NRXN1: variants seen among roughly 807,000 people sequenced by gnomAD.
NRXN1 encodes neurexin 1.
NRXN1 carries 39 observed loss-of-function variants against 150.9 expected under a neutral mutation model. That is an observed-to-expected ratio of 0.26 (90% CI 0.20 to 0.34). NRXN1 has a LOEUF of 0.34. NRXN1 is among the 10% of genes least tolerant of loss of function. The probability of loss-of-function intolerance (pLI) is 1.00; values close to 1 mark genes in which losing one functional copy is unlikely to be tolerated. For missense variants in NRXN1, 1,815 were observed against 1,949.9 expected, an observed-to-expected ratio of 0.93 and a Z score of 1.30; for synonymous variants, 924 against 757.0, an observed-to-expected ratio of 1.22 and a Z score of -3.62.
intron 21 of NRXN1, among the ~76,000 whole-genome samples, chr2:50,032,949 C>A (rs372149052): frequency 7.9e-6 from 1 of 126,554 alleles, no homozygotes; most frequent in Non-Finnish European, 1.7e-5. Context: ...TACACACATA[C>A]ACACACACAC....
chr2:50,475,027 G>A (rs1238987137), intron 15 of NRXN1, among the ~76,000 whole-genome samples: 2 of 152,010 alleles, frequency 1.3e-5, no homozygotes, highest in African/African-American at 4.8e-5. Flanking sequence ...ATCAGAGATT[G>A]TGGGCTGAGA....
intron 18 of NRXN1, among the ~76,000 whole-genome samples, chr2:50,132,086 T>C (rs1036979313): frequency 2.0e-5 from 3 of 152,154 alleles, no homozygotes; most frequent in Non-Finnish European, 2.9e-5. Context: ...TACAAAGGAA[T>C]TGAAATACAT....
intron 2 of NRXN1, chr2:51,009,253 G>C (rs1667484743): frequency 6.6e-6 from 1 of 151,878 alleles, no homozygotes; most frequent in African/African-American, 2.4e-5. Flanking sequence ...AACACCTGGA[G>C]TTTATGTGTA....
intron 17 of NRXN1, among the ~76,000 whole-genome samples, chr2:50,358,743 C>T (rs1437550212): frequency 1.3e-5 from 2 of 152,348 alleles, no homozygotes; most frequent in Non-Finnish European, 2.9e-5. Flanking sequence ...AAGGGACAGA[C>T]TGCCTTCTCA....
At chr2:50,312,296 G>A (rs771316868) in intron 17 of NRXN1, among the ~76,000 whole-genome samples, 1 of 152,100 alleles carries the variant, frequency 6.6e-6, no homozygotes, top group Non-Finnish European at 1.5e-5. Flanking sequence ...GCTATTGGAA[G>A]TTGAACAAAG....
chr2:49,979,085 T>A (rs1679523708), intron 21 of NRXN1, among the ~76,000 whole-genome samples: 1 of 152,056 alleles, frequency 6.6e-6, no homozygotes, highest in Admixed American at 6.6e-5. Context: ...GATCACAAGA[T>A]CAGGAGTTCG....
At chr2:49,969,357 A>G (rs993395648) in intron 21 of NRXN1, among the ~76,000 whole-genome samples, 1 of 152,086 alleles carries the variant, frequency 6.6e-6, no homozygotes, top group Non-Finnish European at 1.5e-5. Flanking sequence ...TAATCATGCA[A>G]AATAATTCAT....
chr2:50,529,598 G>C (rs1263176962), intron 11 of NRXN1, among the ~76,000 whole-genome samples: 1 of 152,142 alleles, frequency 6.6e-6, no homozygotes, highest in South Asian at 2.1e-4. Flanking sequence ...CCTAGATTCT[G>C]TTTCCATATA....
At chr2:49,931,049 T>C (rs1240360575) in intron 22 of NRXN1, among the ~76,000 whole-genome samples, 2 of 152,244 alleles carry the variant, frequency 1.3e-5, no homozygotes, top group East Asian at 3.9e-4. Flanking sequence ...GGAGGACCAT[T>C]TGAGCCCAGG....
intron 18 of NRXN1, among the ~76,000 whole-genome samples, chr2:50,169,261 T>C (rs923251230): frequency 6.6e-6 from 1 of 152,140 alleles, no homozygotes; most frequent in African/African-American, 2.4e-5. Context: ...TGGCCAAAAG[T>C]GTCCACTCTT....
Position 49,999,001 on chromosome 2 carries a change from C to T in NRXN1, c.4128+54270G>A, listed in dbSNP as rs184288849. Among the ~76,000 whole-genome samples, 8 of 151,248 alleles carry T rather than the reference C, an allele frequency of 5.3e-5. No individual in the cohort carries two copies. The East Asian group carries it at 7.8e-4, about 15-fold the overall frequency. On this transcript the variant is annotated intron_variant, in intron 21 of 22. Transcript: ENST00000401669. ...ATTACCTTGTACTAGCATTTTAGGC[C>T]GATGCTTCTCGTACTTTAGTGTACT...
intron 17 of NRXN1, among the ~76,000 whole-genome samples, chr2:50,441,766 A>T (rs78963708): frequency 6.7e-6 from 1 of 149,376 alleles, no homozygotes; most frequent in Non-Finnish European, 1.5e-5. Flanking sequence ...GGTCTTAAAA[A>T]TATCGAAAAA....
chr2:50,153,423 G>A (rs1303163261), intron 18 of NRXN1, among the ~76,000 whole-genome samples: 1 of 150,104 alleles, frequency 6.7e-6, no homozygotes, highest in African/African-American at 2.4e-5. Flanking sequence ...ATGGACATTT[G>A]AATTTAATGA....
chr2:50,338,791 C>CG (rs1031240935), intron 17 of NRXN1, among the ~76,000 whole-genome samples: 15 of 152,012 alleles, frequency 9.9e-5, no homozygotes, highest in African/African-American at 3.1e-4. Flanking sequence ...TACTGTGTCA[C>CG]GGGGCTACCA....
At chr2:49,984,185 A>T (rs74848647) in intron 21 of NRXN1, among the ~76,000 whole-genome samples, 291 of 152,262 alleles carry the variant, frequency 1.9e-3, no homozygotes, top group African/African-American at 6.8e-3. Context: ...AAGAAAAAAA[A>T]ATCAGAAAAA....
intron 5 of NRXN1, chr2:50,656,479 A>T (rs1686482916): frequency 2.8e-6 from 2 of 716,758 alleles, no homozygotes; most frequent in Non-Finnish European, 5.2e-6. Flanking sequence ...CTCTGTTTAA[A>T]CATTCACACC....
chr2:50,688,353 T>C (rs535398283), intron 5 of NRXN1, among the ~76,000 whole-genome samples: 1 of 152,310 alleles, frequency 6.6e-6, no homozygotes, highest in Admixed American at 6.5e-5. Context: ...TCGAATGACT[T>C]AATCTTCATG....
At chr2:51,015,117 A>C (rs1366466277) in intron 2 of NRXN1, among the ~76,000 whole-genome samples, 3 of 152,126 alleles carry the variant, frequency 2.0e-5, no homozygotes, top group Middle Eastern at 6.8e-3. Context: ...TTAAATTTTA[A>C]ACCAACAGTT....
chr2:50,000,369 A>G (rs1683708955), intron 21 of NRXN1, among the ~76,000 whole-genome samples: 1 of 152,218 alleles, frequency 6.6e-6, no homozygotes, highest in African/African-American at 2.4e-5. Flanking sequence ...GATAATTCAA[A>G]TATGTAAATA....
Sources: allele counts gnomAD v4.1 joint callset (sites outside exome capture counted in the v4.1 genomes callset), GRCh38; gene constraint gnomAD v4.1.1; transcripts MANE v1.5; gene names NCBI Gene and HGNC (gene_info 2026-07-23, HGNC 2026-07-21).